Variants in FREM2 observed in about 807,000 individuals in gnomAD.
The protein encoded by FREM2 is FRAS1-related extracellular matrix protein 2.
FREM2 carries 119 observed loss-of-function variants against 219.9 expected under a neutral mutation model. The ratio of observed to expected loss-of-function variants is 0.54; its 90% confidence interval spans 0.47 to 0.63. The LOEUF is 0.63. Among genes scored for constraint, FREM2 ranks in the 30% least tolerant of loss-of-function variants. The pLI, the probability that FREM2 is intolerant of heterozygous loss-of-function variation, is 0.00. For synonymous variants in FREM2, 1,562 were observed against 1,522.8 expected (o/e 1.03, Z -0.60); for missense variants, 4,030 against 3,993.6 (o/e 1.01, Z -0.25).
intron 6 of FREM2, among the ~76,000 whole-genome samples, chr13:38,841,921 G>A (rs1296394611): frequency 6.6e-6 from 1 of 152,308 alleles, no homozygotes; most frequent in Non-Finnish European, 1.5e-5. Flanking sequence ...AGAACTCAGA[G>A]ACAATGGGGG....
intron 2 of FREM2, among the ~76,000 whole-genome samples, chr13:38,733,207 G>A (rs546701827): frequency 2.0e-5 from 3 of 152,168 alleles, no homozygotes; most frequent in African/African-American, 7.2e-5. Context: ...CAGTTTCTAA[G>A]AGGCACTGAG....
intron 6 of FREM2, among the ~76,000 whole-genome samples, chr13:38,841,408 A>C (rs1196777829): frequency 1.3e-5 from 2 of 152,102 alleles, no homozygotes; most frequent in African/African-American, 4.8e-5. Context: ...GAAACCTCTT[A>C]ACAAACAAAC....
intron 6 of FREM2, chr13:38,822,107 G>C (rs1235171440): frequency 2.6e-5 from 4 of 152,098 alleles, no homozygotes; most frequent in Non-Finnish European, 5.9e-5. Context: ...ACATTCCTGT[G>C]AAAAGAAATA....
chr13:38,841,981 G>C (rs1876980299), intron 6 of FREM2, among the ~76,000 whole-genome samples: 1 of 152,166 alleles, frequency 6.6e-6, no homozygotes, highest in African/African-American at 2.4e-5. Context: ...GTTTGGTAGG[G>C]GAAAGCAGGG....
chr13:38,689,733 A>G lies in FREM2; in HGVS notation c.2389A>G (p.Thr797Ala), dbSNP rs1566103993. 1.9e-6 allele frequency: 3 copies of G among 1,613,300 alleles called. 1 individual carries two copies. In the South Asian group the frequency reaches 3.3e-5, roughly 18 times the overall value. Residue 797 changes from threonine to alanine, a missense_variant, in exon 1 of 24, where the codon ACT (threonine) becomes GCT (alanine). Physicochemically the swap from Thr to Ala is moderately conservative, Grantham distance 58 (BLOSUM62 0). This residue lies in a region of FREM2 where 3,102 missense variants were observed against 2,950.7 expected (regional missense o/e 1.05). Coordinates refer to ENST00000280481, the MANE Select transcript of FREM2 (RefSeq NM_207361.6). ...RPPGQELGVA[T>A]RVAQFQFQVE... Reference sequence around the variant, plus strand: ...CCCGGGTCAAGAACTGGGCGTGGCTACTCGAGTGGCCCAGTTCCAGTTCCA... The same window carrying G: ...CCCGGGTCAAGAACTGGGCGTGGCTGCTCGAGTGGCCCAGTTCCAGTTCCA...
intron 6 of FREM2, among the ~76,000 whole-genome samples, chr13:38,804,594 T>C (rs1366477200): frequency 1.3e-5 from 2 of 152,058 alleles, no homozygotes; most frequent in Non-Finnish European, 2.9e-5. Flanking sequence ...CAAGAATAAT[T>C]TATTTTAGTA....
intron 2 of FREM2, among the ~76,000 whole-genome samples, chr13:38,746,535 T>A (rs1872491782): frequency 6.6e-6 from 1 of 152,184 alleles, no homozygotes; most frequent in Non-Finnish European, 1.5e-5. Flanking sequence ...CTAAGAGGAA[T>A]GGTCTAAAGT....
At chr13:38,849,393 C>T (rs1877286491) in intron 8 of FREM2, among the ~76,000 whole-genome samples, 1 of 152,176 alleles carries the variant, frequency 6.6e-6, no homozygotes, top group Non-Finnish European at 1.5e-5. Context: ...CACTTCACAG[C>T]ACAAGACACT....
At chr13:38,826,469 A>G (rs73464039) in intron 6 of FREM2, among the ~76,000 whole-genome samples, 1 of 152,180 alleles carries the variant, frequency 6.6e-6, no homozygotes, top group African/African-American at 2.4e-5. Flanking sequence ...ATAACCGAGG[A>G]AGAAGGATCT....
intron 2 of FREM2, among the ~76,000 whole-genome samples, chr13:38,718,324 C>A (rs1871091362): frequency 6.6e-6 from 1 of 152,068 alleles, no homozygotes; most frequent in Non-Finnish European, 1.5e-5. Context: ...TTATGACAGC[C>A]CTACTCCAGG....
intron 8 of FREM2, among the ~76,000 whole-genome samples, 178 bp from the exon 9 acceptor site, chr13:38,849,860 A>G (rs1877302880): frequency 1.3e-5 from 2 of 152,232 alleles, no homozygotes. Context: ...GTCAAAGGTA[A>G]GGAAATCAAA....
At chr13:38,714,804 G>A (rs1490831899) in intron 2 of FREM2, among the ~76,000 whole-genome samples, 1 of 151,936 alleles carries the variant, frequency 6.6e-6, no homozygotes, top group Non-Finnish European at 1.5e-5. Flanking sequence ...TTAAAAATTG[G>A]CCCAGCGCGG....
At chr13:38,740,318 A>ATT (rs1413696682) in intron 2 of FREM2, among the ~76,000 whole-genome samples, 1 of 152,244 alleles carries the variant, frequency 6.6e-6, no homozygotes, top group Non-Finnish European at 1.5e-5. Context: ...GTTTATAAAC[A>ATT]TTAAAGACTT....
At chr13:38,783,009 A>T in intron 4 of FREM2, 61 bp from the exon 5 acceptor site, 1 of 1,585,412 alleles carries the variant, frequency 6.3e-7, no homozygotes, top group East Asian at 2.2e-5. Flanking sequence ...ATTCTGTATG[A>T]TTGTTTCAGA....
At chr13:38,814,205 A>C (rs1744580278) in intron 6 of FREM2, among the ~76,000 whole-genome samples, 2 of 152,076 alleles carry the variant, frequency 1.3e-5, no homozygotes, top group Admixed American at 6.6e-5. Context: ...TGCTTTATAT[A>C]GTTCATTTGG....
chr13:38,756,743 T>C (rs1040120470), intron 2 of FREM2, among the ~76,000 whole-genome samples: 1 of 151,888 alleles, frequency 6.6e-6, no homozygotes, highest in African/African-American at 2.4e-5. Context: ...TTTCACCATG[T>C]TGGCCACGCT....
At chr13:38,702,677 A>G (rs935827216) in intron 2 of FREM2, among the ~76,000 whole-genome samples, 3 of 152,094 alleles carry the variant, frequency 2.0e-5, no homozygotes, top group African/African-American at 4.8e-5. Flanking sequence ...ATTAGAATAC[A>G]TGATCACCTG....
intron 2 of FREM2, among the ~76,000 whole-genome samples, chr13:38,700,368 A>G (rs752160454): frequency 2.0e-5 from 3 of 152,056 alleles, no homozygotes; most frequent in Non-Finnish European, 2.9e-5. Context: ...TGGGACTTTT[A>G]CCAAATGACA....
intron 1 of FREM2, among the ~76,000 whole-genome samples, chr13:38,694,454 A>C (rs1370522092): frequency 6.6e-6 from 1 of 152,242 alleles, no homozygotes; most frequent in Non-Finnish European, 1.5e-5. Context: ...GTGATTTAAA[A>C]AACGGAGAAA....
Sources: allele counts gnomAD v4.1 joint callset (sites outside exome capture counted in the v4.1 genomes callset), GRCh38; gene constraint gnomAD v4.1.1; regional missense constraint gnomAD v4.1.1; transcripts MANE v1.5; gene names NCBI Gene and HGNC (gene_info 2026-07-23, HGNC 2026-07-21).